PTPN3: variants seen among roughly 807,000 people sequenced by gnomAD.
PTPN3 encodes the protein tyrosine-protein phosphatase non-receptor type 3.
In PTPN3, 96 loss-of-function variants were observed where a neutral mutation model predicts 132.7. That is an observed-to-expected ratio of 0.72 (90% CI 0.61 to 0.86). The LOEUF (loss-of-function observed/expected upper bound fraction) is 0.86. Among genes scored for constraint, PTPN3 ranks in the 40% least tolerant of loss-of-function variants. PTPN3 has a pLI of 0.00. For missense variants in PTPN3, 1,125 were observed against 1,159.6 expected (o/e 0.97, Z 0.43); for synonymous variants, 398 against 429.0 (o/e 0.93, Z 0.89).
chr9:109,447,113 C>T (rs1323236872), intron 6 of PTPN3, among the ~76,000 whole-genome samples: 1 of 152,216 alleles, frequency 6.6e-6, no homozygotes, highest in African/African-American at 2.4e-5. Context: ...AGATCTAAGC[C>T]AGGATGTGGC....
chr9:109,532,948 T>G, the PTPN3 span: 326 of 86,200 alleles, frequency 3.8e-3, 2 homozygotes, highest in African/African-American at 0.038. Context: ...TTCTGGGTTT[T>G]TTTTTTTTTT....
chr9:109,485,645 T>C lies in PTPN3; in HGVS notation c.-18+12574A>G, dbSNP rs558799019. Among the ~76,000 whole-genome samples the C allele has an allele frequency of 3.5e-4, 54 of 152,344 alleles. 1 individual carries two copies. The highest frequency in any genetic ancestry group is 6.9e-4 in the Non-Finnish European group (47 of 68,030). ...AGGAGAGCTCCCCTTCCCCGCCCAG[T>C]CTTTCCTGACGGAATCATCAGTTTC... On this transcript the variant is annotated intron_variant, in intron 1 of 25. Coordinates refer to ENST00000374541, the MANE Select transcript of PTPN3 (RefSeq NM_002829.4).
chr9:109,474,729 G>T (rs1443572220), intron 1 of PTPN3, among the ~76,000 whole-genome samples: 1 of 152,124 alleles, frequency 6.6e-6, no homozygotes, highest in Admixed American at 6.5e-5. Context: ...GATAAGATTA[G>T]GTACTTCAAA....
chr9:109,385,207 A>G (rs780963884), intron 22 of PTPN3, among the ~76,000 whole-genome samples: 1 of 152,248 alleles, frequency 6.6e-6, no homozygotes, highest in Non-Finnish European at 1.5e-5. Context: ...TTGCAGTTCA[A>G]TTTGGATCTG....
intron 11 of PTPN3, 62 bp downstream of exon 11, chr9:109,428,559 C>T: frequency 1.3e-6 from 2 of 1,547,770 alleles, no homozygotes; most frequent in Non-Finnish European, 1.8e-6. Context: ...TAGCGAGACC[C>T]TGTCTCTAAC....
upstream of PTPN3, among the ~76,000 whole-genome samples, chr9:109,499,969 G>A (rs866755428): frequency 2.6e-5 from 4 of 152,194 alleles, no homozygotes; most frequent in African/African-American, 7.2e-5. Flanking sequence ...CGGGGCCGGA[G>A]CCCCCGGAAG....
At chr9:109,415,120 A>ATCCG (rs1418373373) in intron 14 of PTPN3, among the ~76,000 whole-genome samples, 7 of 151,920 alleles carry the variant, frequency 4.6e-5, no homozygotes, top group African/African-American at 7.3e-5. Context: ...CCATCCATCC[A>ATCCG]TCCATCCAAA....
chr9:109,390,268 A>G (rs1839949677), intron 21 of PTPN3, among the ~76,000 whole-genome samples: 1 of 152,172 alleles, frequency 6.6e-6, no homozygotes, highest in Admixed American at 6.5e-5. Flanking sequence ...GCATTTCTTG[A>G]CACTTTGCTA....
At chr9:109,475,717 A>G (rs1199638975) in intron 1 of PTPN3, among the ~76,000 whole-genome samples, 1 of 152,174 alleles carries the variant, frequency 6.6e-6, no homozygotes, top group Non-Finnish European at 1.5e-5. Context: ...CCACCCCTTT[A>G]CAGCCAAAAG....
At chr9:109,384,238 G>C (rs1195221424) in intron 22 of PTPN3, among the ~76,000 whole-genome samples, 1 of 152,180 alleles carries the variant, frequency 6.6e-6, no homozygotes, top group African/African-American at 2.4e-5. Context: ...ATACCAGCTT[G>C]AGTAACAGTG....
intron 12 of PTPN3, 133 bp from the exon 13 acceptor site, chr9:109,422,985 A>G (rs1842988683): frequency 8.9e-7 from 1 of 1,122,266 alleles, no homozygotes; most frequent in Admixed American, 2.5e-5. Context: ...TGGGGAGTAG[A>G]GGGAGACAGC....
At chr9:109,381,505 T>C (rs1185358530) in intron 25 of PTPN3, 147 bp downstream of exon 25, 7 of 1,181,926 alleles carry the variant, frequency 5.9e-6, no homozygotes, top group Non-Finnish European at 8.5e-6. Flanking sequence ...GTGTGGGCTG[T>C]AGCCACTGAC....
the PTPN3 span, among the ~76,000 whole-genome samples, chr9:109,518,461 T>C: frequency 6.6e-6 from 1 of 152,088 alleles, no homozygotes; most frequent in Admixed American, 6.5e-5. Context: ...CCTTTGGCCA[T>C]AGGATGCTCC....
intron 5 of PTPN3, among the ~76,000 whole-genome samples, chr9:109,453,837 A>C (rs1845410907): frequency 9.3e-6 from 1 of 107,552 alleles, no homozygotes; most frequent in Non-Finnish European, 1.8e-5. Context: ...TGGAAACCCC[A>C]TCTCCGTTAA....
In PTPN3 at chr9:109,406,854, G is replaced by C. The variant is rs573971378; in HGVS notation, c.1636-236C>G. Among the ~76,000 whole-genome samples, 113 of 152,298 alleles carry C rather than the reference G, an allele frequency of 7.4e-4. 2 individuals carry two copies. The South Asian group carries it at 0.022, about 30-fold the overall frequency. On this transcript the variant is annotated intron_variant, in intron 17 of 25. Transcript: ENST00000374541. ...TAAGTTATGAAACATTTCAGAATAAGGATATAAAAATTGCTGAAGCCATTT... is the reference window on the plus strand; with the variant it reads ...TAAGTTATGAAACATTTCAGAATAACGATATAAAAATTGCTGAAGCCATTT...
intron 19 of PTPN3, among the ~76,000 whole-genome samples, chr9:109,399,997 G>A (rs1384071423): frequency 6.7e-6 from 1 of 149,488 alleles, no homozygotes; most frequent in African/African-American, 2.5e-5. Flanking sequence ...GAGCCAACAC[G>A]GCTCACTGCA....
rs1283538770 is a variant in PTPN3 at position 109,376,324 on chromosome 9, G to A, written c.*3232C>T. On this transcript the variant is annotated 3_prime_UTR_variant, in exon 26 of 26. Transcript: ENST00000374541. ...TTTGTTGCCTCTGGAGGATGAAGAG[G>A]GCTTTTTCGCTTGCCCTCAAATGCT... 1 of 152,006 alleles carries A rather than the reference G, an allele frequency of 6.6e-6. No individual in the cohort carries two copies. Among genetic ancestry groups the A allele is most frequent in the Non-Finnish European group, 1.5e-5 (1 of 68,020 alleles). The allele number at this position is 152,006 out of a possible 1,614,324, so 9.4% of individuals were successfully genotyped here.
intron 16 of PTPN3, 115 bp downstream of exon 16, chr9:109,409,884 G>A: frequency 6.9e-7 from 1 of 1,445,298 alleles, no homozygotes; most frequent in Non-Finnish European, 9.1e-7. Flanking sequence ...AATTCTGAGG[G>A]TTGAACCAAC....
intron 19 of PTPN3, among the ~76,000 whole-genome samples, chr9:109,395,229 T>A (rs1227696935): frequency 1.3e-5 from 2 of 151,964 alleles, no homozygotes; most frequent in Non-Finnish European, 2.9e-5. Context: ...CTGAATTATC[T>A]GAATTATGTC....
Sources: allele counts gnomAD v4.1 joint callset (sites outside exome capture counted in the v4.1 genomes callset), GRCh38; gene constraint gnomAD v4.1.1; transcripts MANE v1.5; gene names NCBI Gene and HGNC (gene_info 2026-07-23, HGNC 2026-07-21).